The following HAVCR1 variants were observed in gnomAD, a reference collection of about 807,000 sequenced individuals.
The protein encoded by HAVCR1 is hepatitis A virus cellular receptor 1.
HAVCR1 carries 34 observed loss-of-function variants against 32.0 expected under a neutral mutation model. That is an observed-to-expected ratio of 1.06 (90% CI 0.81 to 1.42). HAVCR1 has a LOEUF of 1.42. Ranked by LOEUF, HAVCR1 falls within the 40% of genes most tolerant of loss-of-function variation. HAVCR1 has a pLI of 0.00. For synonymous variants in HAVCR1, 178 were observed against 170.3 expected (o/e 1.05, Z -0.35); for missense variants, 420 against 442.3 (o/e 0.95, Z 0.45).
chr5:157,041,458 A>C (rs931731775), intron 6 of HAVCR1, among the ~76,000 whole-genome samples: 3 of 150,940 alleles, frequency 2.0e-5, no homozygotes, highest in Admixed American at 1.3e-4. Context: ...GGATCCCGCC[A>C]GTGCACTCCA....
chr5:157,060,040 T>C (rs1756442436), upstream of HAVCR1, among the ~76,000 whole-genome samples: 1 of 152,010 alleles, frequency 6.6e-6, no homozygotes, highest in Non-Finnish European at 1.5e-5. Flanking sequence ...TACTAACATA[T>C]TGAGCTGATG....
At chr5:157,042,543 A>G in intron 6 of HAVCR1, 84 bp downstream of exon 6, 1 of 800,572 alleles carries the variant, frequency 1.2e-6, no homozygotes, top group Non-Finnish European at 2.1e-6. Context: ...GGCTAGTCTT[A>G]CAGACATAGT....
upstream of HAVCR1, among the ~76,000 whole-genome samples, chr5:157,063,052 G>A (rs1208857578): frequency 6.6e-6 from 1 of 150,790 alleles, no homozygotes; most frequent in Non-Finnish European, 1.5e-5. Context: ...CCTGGGAGGT[G>A]GAGGTTGCAG....
chr5:157,037,432 C>T (rs868096209), intron 6 of HAVCR1, 71 bp from the exon 7 acceptor site: 1 of 751,034 alleles, frequency 1.3e-6, no homozygotes, highest in Non-Finnish European at 2.3e-6. Flanking sequence ...TTCCCAGAAT[C>T]ACTTACCCAG....
rs1691664020 is a variant in HAVCR1, at chr5:157,043,936, G to C, written c.782-1254C>G. Among the ~76,000 whole-genome samples the C allele has an allele frequency of 2.6e-5, 4 of 152,286 alleles. No individual in the cohort carries two copies. In the South Asian group the frequency reaches 8.3e-4, roughly 32 times the overall value. ...TTAGGTCTATGAAATTCTGTAACTG[G>C]TGACAATGCTATAGGGCTCAACATG... is the stretch of plus-strand genomic sequence containing the variant. On this transcript the variant is annotated intron_variant, in intron 5 of 8. Transcript: ENST00000523175.
intron 3 of HAVCR1, among the ~76,000 whole-genome samples, chr5:157,052,914 G>A (rs1211626844): frequency 6.6e-6 from 1 of 152,130 alleles, no homozygotes; most frequent in Admixed American, 6.5e-5. Flanking sequence ...CCTCATATTT[G>A]CACTGAAGCA....
rs570821181 is a variant in HAVCR1 at position 157,036,883 on chromosome 5, T to G, written c.952+364A>C. Among the ~76,000 whole-genome samples the G allele has an allele frequency of 4.6e-5, 7 of 151,132 alleles. No homozygotes were observed. The South Asian group carries it at 1.5e-3, about 31-fold the overall frequency. On this transcript the variant is annotated intron_variant, in intron 7 of 8. Transcript: ENST00000523175. The stretch of plus-strand genomic sequence containing the variant: ...TTTGTTTGTTTGTTTTGTTTTGCTT[T>G]TTTGTTTTGTTTTTGTTTTTTTTTA...
At chr5:157,048,147 A>T (rs1290220665) in intron 5 of HAVCR1, among the ~76,000 whole-genome samples, 2 of 152,174 alleles carry the variant, frequency 1.3e-5, no homozygotes, top group Non-Finnish European at 2.9e-5. Flanking sequence ...GCTCATGTAA[A>T]TACAAATTTG....
At position 157,048,968 on chromosome 5, in the gene HAVCR1, G is replaced by A. The variant is rs1755579704; in HGVS notation, c.781+70C>T. 3.4e-6 allele frequency: 3 copies of A among 878,734 alleles called. No homozygotes were observed. The East Asian group carries it at 7.2e-5, about 21-fold the overall frequency. The allele number at this position is 878,734 out of a possible 1,614,324, so 54.4% of individuals were successfully genotyped here. A position where few individuals can be genotyped will look rare whatever the true frequency, so the allele number is the denominator to read the frequency against. On this transcript the variant is annotated intron_variant, in intron 5 of 8. Coordinates refer to ENST00000523175, the MANE Select transcript of HAVCR1 (RefSeq NM_001173393.3). ...AGATCAGTCGTATTCCAGAGCGTGT[G>A]CTCTCAACAAAGTCAATGGTTATCA...
chr5:157,030,520 G>A (rs1460258668), intron 8 of HAVCR1, among the ~76,000 whole-genome samples: 1 of 152,040 alleles, frequency 6.6e-6, no homozygotes, highest in Non-Finnish European at 1.5e-5. Flanking sequence ...AGGTGTGGTG[G>A]CTTGTGCCCA....
intron 8 of HAVCR1, among the ~76,000 whole-genome samples, chr5:157,031,794 CAAAAA>C (rs57821791): frequency 4.7e-5 from 5 of 106,564 alleles, no homozygotes; most frequent in Non-Finnish European, 1.9e-5. Flanking sequence ...CTGGGTGTCT[CAAAAA>C]AAAAAAAAAA....
chr5:157,052,254 G>A, intron 4 of HAVCR1, 107 bp downstream of exon 4: 1 of 973,502 alleles, frequency 1.0e-6, no homozygotes, highest in Non-Finnish European at 1.6e-6. Flanking sequence ...TTGAAACCCA[G>A]GTAAGACCCC....
At chr5:157,051,169 T>C (rs1291882631) in intron 4 of HAVCR1, among the ~76,000 whole-genome samples, 2 of 152,228 alleles carry the variant, frequency 1.3e-5, no homozygotes, top group Non-Finnish European at 2.9e-5. Context: ...TACAGGGAAT[T>C]TGAAGTATCA....
chr5:157,061,088 G>A (rs1756480027), upstream of HAVCR1, among the ~76,000 whole-genome samples: 1 of 151,996 alleles, frequency 6.6e-6, no homozygotes, highest in South Asian at 2.1e-4. Context: ...AGCAGAGGTG[G>A]AGTTTCACCA....
In HAVCR1 at chr5:157,055,185, T is replaced by C; in HGVS notation, c.379+16A>G. 1 of 1,351,264 alleles carries C rather than the reference T, an allele frequency of 7.4e-7. No individual in the cohort carries two copies. Among genetic ancestry groups the C allele is most frequent in the Non-Finnish European group, 1.0e-6 (1 of 986,290 alleles). 83.7% of individuals were successfully genotyped at this position (1,351,264 alleles called of 1,614,324 possible). A position where few individuals can be genotyped will look rare whatever the true frequency, so the allele number is the denominator to read the frequency against. ...AAATTCAATTAACTAGCAAGAAATA[T>C]CAAAGAAAAACTTACGTGGCACAAT... is the stretch of plus-strand genomic sequence containing the variant. On this transcript the variant is annotated intron_variant, in intron 3 of 8. Coordinates refer to ENST00000523175, the MANE Select transcript of HAVCR1 (RefSeq NM_001173393.3).
At chr5:157,045,919 G>A (rs17054137) in intron 5 of HAVCR1, among the ~76,000 whole-genome samples, 49,040 of 152,000 alleles carry the variant, frequency 0.32, 8,945 homozygotes, top group East Asian at 0.66. Context: ...ATAGTATTTC[G>A]GAGAATGATT....
chr5:157,044,635 A>AAGAAAGAAAGAAAG (rs1755233163), intron 5 of HAVCR1, among the ~76,000 whole-genome samples: 12 of 64,786 alleles, frequency 1.9e-4, no homozygotes, highest in East Asian at 1.0e-3. Context: ...GAAAGAAAGA[A>AAGAAAGAAAGAAAG]AGAAAGAAAG....
chr5:157,067,269 AG>A, the HAVCR1 span, among the ~76,000 whole-genome samples: 4 of 152,226 alleles, frequency 2.6e-5, no homozygotes, highest in African/African-American at 9.6e-5. Context: ...TCCACTTCAA[AG>A]GCATTTAATG....
chr5:157,036,456 G>A (rs1187586616), intron 7 of HAVCR1, among the ~76,000 whole-genome samples: 1 of 152,186 alleles, frequency 6.6e-6, no homozygotes, highest in Non-Finnish European at 1.5e-5. Flanking sequence ...TCCAGCCTGT[G>A]AGACAAGAGA....
Sources: gnomAD v4.1 joint callset for allele counts (sites outside exome capture counted in the v4.1 genomes callset) on GRCh38, gnomAD v4.1.1 for gene constraint, MANE v1.5 for transcripts, NCBI Gene and HGNC (gene_info 2026-07-23, HGNC 2026-07-21) for gene names.